PTPRF: variants seen among roughly 807,000 people sequenced by gnomAD.
PTPRF encodes protein tyrosine phosphatase receptor type F, also known as receptor-type tyrosine-protein phosphatase F.
Under a neutral mutation model 201.8 loss-of-function variants are expected in PTPRF, and 59 were observed. That is an observed-to-expected ratio of 0.29 (90% CI 0.24 to 0.36). The LOEUF (loss-of-function observed/expected upper bound fraction) is 0.36, where lower values mean the gene tolerates loss of function less well. Ranked by LOEUF, PTPRF falls within the 10% of genes least tolerant of loss-of-function variation. The pLI is 1.00. For missense variants in PTPRF, 2,132 were observed against 2,690.5 expected (o/e 0.79, Z 4.59); for synonymous variants, 1,088 against 1,089.7 (o/e 1.00, Z 0.03).
chr1:43,592,355 C>CAG, intron 10 of PTPRF, 102 bp from the exon 11 acceptor site: 1 of 1,399,184 alleles, frequency 7.1e-7, no homozygotes, highest in Non-Finnish European at 9.7e-7. Context: ...GTCCTGGAGC[C>CAG]GTGGTGGGTC....
chr1:43,610,739 C>G (rs1180271860), intron 22 of PTPRF, among the ~76,000 whole-genome samples: 2 of 152,330 alleles, frequency 1.3e-5, no homozygotes. Context: ...GTGTGTGGCC[C>G]CTGTCATCCC....
chr1:43,526,827 G>A (rs1643135580), upstream of PTPRF, among the ~76,000 whole-genome samples: 1 of 152,188 alleles, frequency 6.6e-6, no homozygotes, highest in African/African-American at 2.4e-5. Context: ...AAAAAATAGT[G>A]GAAGCCCTGT....
At chr1:43,557,359 T>G (rs1471304654) in intron 5 of PTPRF, among the ~76,000 whole-genome samples, 1 of 151,982 alleles carries the variant, frequency 6.6e-6, no homozygotes, top group Non-Finnish European at 1.5e-5. Context: ...AGGGGCTGGG[T>G]GTGGTGGCTC....
chr1:43,524,085 AAG>A (rs1391221930), upstream of PTPRF, among the ~76,000 whole-genome samples: 2 of 151,460 alleles, frequency 1.3e-5, no homozygotes, highest in Admixed American at 1.3e-4. Context: ...GGAAGAAAGA[AAG>A]AAAGAAGAGA....
At chr1:43,585,240 T>A (rs1648824417) in intron 7 of PTPRF, among the ~76,000 whole-genome samples, 1 of 152,162 alleles carries the variant, frequency 6.6e-6, no homozygotes, top group Non-Finnish European at 1.5e-5. Flanking sequence ...TTGGGGCTGC[T>A]GCAGTGAGAT....
chr1:43,609,454 C>T lies in PTPRF; in HGVS notation c.3929C>T (p.Ser1310Phe). 4 of 1,614,064 alleles carry T rather than the reference C, an allele frequency of 2.5e-6. No individual in the cohort carries two copies. The highest frequency in any genetic ancestry group is 3.4e-6 in the Non-Finnish European group (4 of 1,179,982). ...IGLKDSLLAH[S>F]SDPVEMRRLN... is the part of the protein sequence containing the mutation. ...CTGAAGGACTCCTTGCTGGCCCACT[C>T]CTCTGACCCTGTGGAGATGCGGAGG... The change falls in exon 22 of 34, where the codon TCC becomes TTC. Residue 1310 changes from serine to phenylalanine, a missense_variant. Coordinates refer to ENST00000359947, the MANE Select transcript of PTPRF (RefSeq NM_002840.5).
chr1:43,541,322 C>T (rs944338083), intron 2 of PTPRF, among the ~76,000 whole-genome samples: 20 of 152,258 alleles, frequency 1.3e-4, no homozygotes, highest in Non-Finnish European at 1.0e-4. Flanking sequence ...CCCAGCTGTT[C>T]TCCAGCCAGG....
chr1:43,536,036 C>T (rs529809625), intron 1 of PTPRF, among the ~76,000 whole-genome samples: 34 of 152,184 alleles, frequency 2.2e-4, no homozygotes, highest in African/African-American at 7.0e-4. Flanking sequence ...CCCAAAGTGC[C>T]GGGATTACAG....
chr1:43,570,799 C>T (rs1646513615), intron 6 of PTPRF, among the ~76,000 whole-genome samples: 1 of 152,250 alleles, frequency 6.6e-6, no homozygotes, highest in Admixed American at 6.5e-5. Context: ...AGTGTTAGCT[C>T]ATTTAATTTA....
intron 5 of PTPRF, among the ~76,000 whole-genome samples, chr1:43,569,221 C>CG: frequency 1.9e-5 from 1 of 53,516 alleles, no homozygotes; most frequent in African/African-American, 7.8e-5. Flanking sequence ...CCCTGCTAGC[C>CG]CCCCCCCCCA....
chr1:43,597,817 TCCCGCCG>T lies in PTPRF; in HGVS notation c.1886_1892del (p.Pro629LeufsTer90). 1 of 1,605,644 alleles carries T rather than the reference TCCCGCCG, an allele frequency of 6.2e-7. No homozygotes were observed. Among genetic ancestry groups the T allele is most frequent in the Non-Finnish European group, 8.5e-7 (1 of 1,177,462 alleles). ...TCCACCACGGTCCGGGTAAGTTGGG[TCCCGCCG>T]CCTGCCGACAGCCGCAACGGCGTTA... is the stretch of plus-strand genomic sequence containing the variant. On this transcript the variant is annotated frameshift_variant, in exon 12 of 34. Coordinates refer to ENST00000359947, the MANE Select transcript of PTPRF (RefSeq NM_002840.5). LOFTEE classifies it high-confidence loss of function.
In PTPRF at chr1:43,597,733, AT is replaced by A; in HGVS notation, c.1814-12del. On this transcript the variant is annotated splice_polypyrimidine_tract_variant and intron_variant, in intron 11 of 33. Transcript: ENST00000359947. ...CCCTCCATCTGCTTGCTTCCCCCCC[AT>A]TTGTCTTCCCCAGCCCCCTCCGCCC... The A allele has an allele frequency of 1.0e-5, 5 of 479,778 alleles. No homozygotes were observed. The highest frequency in any genetic ancestry group is 1.5e-5 in the Non-Finnish European group (5 of 327,948). 29.7% of individuals were successfully genotyped at this position (479,778 alleles called of 1,614,324 possible).
rs377483278 is a variant in PTPRF at position 43,598,893 on chromosome 1, G to A, written c.2293G>A (p.Val765Ile). Reference protein sequence around the residue: ...EPRGLPIIQDVMLAEAQWRPE... With the variant: ...EPRGLPIIQDIMLAEAQWRPE... ...CCGTGGACTCCCCATCATCCAAGAC[G>A]TCATGCTAGCCGAGGCCCAGGTGCA... Residue 765 changes from valine to isoleucine, a missense_variant, in exon 13 of 34, where the codon GTC becomes ATC. By Grantham distance (29) the Val-to-Ile change is conservative. Around this residue, in one of 6 missense-constraint regions of PTPRF, gnomAD observed 818 missense variants for 915.3 expected, o/e 0.89. Coordinates refer to ENST00000359947, the MANE Select transcript of PTPRF (RefSeq NM_002840.5). 9 of 1,613,744 alleles carry A rather than the reference G, an allele frequency of 5.6e-6. No homozygotes were observed. The highest frequency in any genetic ancestry group is 4.0e-5 in the African/African-American group (3 of 74,926).
intron 5 of PTPRF, among the ~76,000 whole-genome samples, chr1:43,560,897 C>T (rs918568609): frequency 6.6e-6 from 1 of 152,158 alleles, no homozygotes; most frequent in African/African-American, 2.4e-5. Context: ...AGTGTCCAGC[C>T]AGCACCATAC....
chr1:43,577,006 G>C (rs1380028659), intron 6 of PTPRF, among the ~76,000 whole-genome samples: 1 of 152,160 alleles, frequency 6.6e-6, no homozygotes, highest in Non-Finnish European at 1.5e-5. Flanking sequence ...CTGGGTCCTG[G>C]TGTTGGTTCC....
chr1:43,598,998 C>T, intron 13 of PTPRF, 85 bp downstream of exon 13: 1 of 1,403,156 alleles, frequency 7.1e-7, no homozygotes, highest in East Asian at 2.3e-5. Context: ...ATATGTCCCT[C>T]TTCCCCTGCC....
rs139240985 is a variant in PTPRF at position 43,604,056 on chromosome 1, G to A, written c.2904G>A (p.Thr968=). ...GCCAACAGGAGCTGCAGAACATCACGACAGACACCCGCTTTACCCTTACTG... is the reference window on the plus strand; with the variant it reads ...GCCAACAGGAGCTGCAGAACATCACAACAGACACCCGCTTTACCCTTACTG... ...INSQQELQNI[T]TDTRFTLTGL... The change falls in exon 16 of 34, where the codon ACG becomes ACA. Residue 968 remains threonine (T), a synonymous_variant. Transcript: ENST00000359947. 9.8e-5 allele frequency: 158 copies of A among 1,614,210 alleles called. No individual in the cohort carries two copies. Among genetic ancestry groups the A allele is most frequent in the East Asian group, 3.1e-4 (14 of 44,884 alleles).
In PTPRF at chr1:43,622,235, C is replaced by G. The variant is rs950815987; in HGVS notation, c.*232C>G. On this transcript the variant is annotated 3_prime_UTR_variant, in exon 34 of 34. Transcript: ENST00000359947. ...GCAGGCACTGTGGCCCTTCTGTCCACCAGACCCACCTGGAGCCCGCTTCAA... is the reference window on the plus strand; with the variant it reads ...GCAGGCACTGTGGCCCTTCTGTCCAGCAGACCCACCTGGAGCCCGCTTCAA... The G allele has an allele frequency of 1.5e-5, 8 of 550,260 alleles. No individual in the cohort carries two copies. The highest frequency in any genetic ancestry group is 2.6e-5 in the Non-Finnish European group (8 of 308,338). 34.1% of individuals were successfully genotyped at this position (550,260 alleles called of 1,614,324 possible).
intron 5 of PTPRF, among the ~76,000 whole-genome samples, chr1:43,561,429 A>G (rs964065233): frequency 3.3e-5 from 5 of 152,096 alleles, no homozygotes; most frequent in Non-Finnish European, 7.4e-5. Context: ...CAGGCACAAG[A>G]TGGCTTCCCA....
Sources: gnomAD v4.1 joint callset for allele counts (sites outside exome capture counted in the v4.1 genomes callset) on GRCh38, gnomAD v4.1.1 for gene constraint, gnomAD v4.1.1 regional missense constraint, MANE v1.5 for transcripts, NCBI Gene and HGNC (gene_info 2026-07-23, HGNC 2026-07-21) for gene names.